The following THADA variants were observed in gnomAD, a reference collection of about 807,000 sequenced individuals.
THADA encodes THADA armadillo repeat containing.
A neutral mutation model predicts 219.8 loss-of-function variants in THADA; 213 were observed. The observed-to-expected ratio is 0.97, with a 90% confidence interval of 0.87 to 1.09. THADA has a LOEUF of 1.09. THADA is among the 50% of genes least tolerant of loss of function. The pLI, the probability that THADA is intolerant of heterozygous loss-of-function variation, is 0.00. For missense variants in THADA, 2,956 were observed against 2,311.3 expected (o/e 1.28, Z -5.72); for synonymous variants, 1,018 against 828.9 (o/e 1.23, Z -3.92).
rs531148155 is a variant in THADA, at chr2:43,521,470, C to G, written c.3374+6409G>C. 8.3e-4 allele frequency among the ~76,000 whole-genome samples: 126 copies of G among 152,260 alleles called. 1 individual carries two copies. The South Asian group carries it at 8.3e-3, about 10-fold the overall frequency. ...ACTCGGGAGGCTGAGGTGGGAGATT[C>G]ACTTGAACCCGGGAGACAGAGGTTG... On this transcript the variant is annotated intron_variant, in intron 22 of 37. Transcript: ENST00000405975.
intron 14 of THADA, among the ~76,000 whole-genome samples, chr2:43,567,788 T>C (rs965995079): frequency 2.0e-5 from 3 of 152,252 alleles, no homozygotes; most frequent in African/African-American, 7.2e-5. Flanking sequence ...CTATCCTACA[T>C]ACATAGTAAT....
rs145837864 is a variant in THADA, at chr2:43,553,669, G to T, written c.2675-1330C>A. 2.2e-3 allele frequency among the ~76,000 whole-genome samples: 331 copies of T among 152,308 alleles called. 1 individual carries two copies. Among genetic ancestry groups the T allele is most frequent in the African/African-American group, 7.5e-3 (312 of 41,572 alleles). On this transcript the variant is annotated intron_variant, in intron 17 of 37. Coordinates refer to ENST00000405975, the MANE Select transcript of THADA (RefSeq NM_022065.5). ...CTGCAGGGTCACATGGTAACTCTAT[G>T]TTTAGCCTTTTGAGGAACTGCCAGA...
At position 43,574,360 on chromosome 2, in the gene THADA, G is replaced by A; in HGVS notation, c.1705C>T (p.Gln569Ter). The change falls in exon 11 of 38, where the codon CAG becomes TAG. Residue 569 changes from glutamine to a stop codon, truncating the protein, a stop_gained. Transcript: ENST00000405975. LOFTEE classifies it high-confidence loss of function. ...CCAGTTTTAGCATCAATAGAAGTCT[G>A]AAGAATCTTTACCATGTACTGTAAG... The part of the protein sequence containing the change: ...ESLQYMVKIL[Q>*]TSIDAKTGQE... 1 of 1,579,574 alleles carries A rather than the reference G, an allele frequency of 6.3e-7. No individual in the cohort carries two copies. The highest frequency in any genetic ancestry group is 2.2e-5 in the East Asian group (1 of 44,656).
At chr2:43,309,383 G>A (rs1677233444) in intron 31 of THADA, among the ~76,000 whole-genome samples, 1 of 151,962 alleles carries the variant, frequency 6.6e-6, no homozygotes, top group Admixed American at 6.6e-5. Context: ...ACACTTCTAT[G>A]TGAATGTTCA....
At chr2:43,437,594 T>A (rs1188650216) in intron 26 of THADA, among the ~76,000 whole-genome samples, 1 of 152,186 alleles carries the variant, frequency 6.6e-6, no homozygotes, top group African/African-American at 2.4e-5. Context: ...TGTGATGTAT[T>A]CATGGGAGAA....
chr2:43,403,719 G>A (rs925460590), intron 28 of THADA, among the ~76,000 whole-genome samples: 2 of 152,134 alleles, frequency 1.3e-5, no homozygotes, highest in Non-Finnish European at 2.9e-5. Flanking sequence ...TGTCAATGAT[G>A]AAAAGGACCA....
Position 43,560,360 on chromosome 2 carries a change from C to G in THADA, c.2337G>C (p.Leu779=). Residue 779 remains leucine (L), a synonymous_variant, in exon 16 of 38, where the codon CTG becomes CTC. Transcript: ENST00000405975. The part of the protein sequence containing the change: ...PEGRIYTVYQ[L]SHDIDVGRFQ... ...AACGACCAACATCAATATCATGACT[C>G]AGCTGATATACTGTATAAATTCTGC... The G allele has an allele frequency of 6.2e-7, 1 of 1,609,784 alleles. No individual in the cohort carries two copies. Among genetic ancestry groups the G allele is most frequent in the East Asian group, 2.2e-5 (1 of 44,716 alleles).
At chr2:43,341,981 C>A (rs983111854) in intron 30 of THADA, among the ~76,000 whole-genome samples, 8 of 152,182 alleles carry the variant, frequency 5.3e-5, no homozygotes, top group African/African-American at 1.7e-4. Context: ...GAGGCCGACG[C>A]AGGTGGATCA....
intron 8 of THADA, among the ~76,000 whole-genome samples, chr2:43,579,903 G>T (rs913083915): frequency 9.2e-5 from 14 of 152,116 alleles, no homozygotes; most frequent in African/African-American, 3.1e-4. Context: ...TGTTATGTGG[G>T]AAAGGAGGTT....
intron 22 of THADA, among the ~76,000 whole-genome samples, chr2:43,514,602 A>ATATATATTT (rs1236324068): frequency 2.0e-5 from 2 of 100,038 alleles, no homozygotes; most frequent in African/African-American, 8.8e-5. Flanking sequence ...TGTATATTTT[A>ATATATATTT]TATATATTTT....
intron 26 of THADA, among the ~76,000 whole-genome samples, chr2:43,471,723 A>G (rs904947416): frequency 2.0e-5 from 3 of 152,208 alleles, no homozygotes; most frequent in East Asian, 1.9e-4. Context: ...GAATAATACT[A>G]TAACATTTGG....
chr2:43,524,809 A>T (rs554518321), intron 22 of THADA, among the ~76,000 whole-genome samples: 1 of 152,294 alleles, frequency 6.6e-6, no homozygotes, highest in African/African-American at 2.4e-5. Flanking sequence ...CTAGATTAGG[A>T]GGGGCTAAGA....
At chr2:43,412,445 C>T (rs957869348) in intron 28 of THADA, among the ~76,000 whole-genome samples, 2 of 152,150 alleles carry the variant, frequency 1.3e-5, no homozygotes, top group African/African-American at 2.4e-5. Flanking sequence ...TGGATCACTT[C>T]TGTTCATTTT....
At chr2:43,353,548 T>G (rs116135595) in intron 29 of THADA, among the ~76,000 whole-genome samples, 2,729 of 152,330 alleles carry the variant, frequency 0.018, 32 homozygotes, top group Middle Eastern at 0.037. Flanking sequence ...TTATATATTT[T>G]CCTGCTGAGT....
intron 26 of THADA, among the ~76,000 whole-genome samples, chr2:43,441,904 A>C (rs1680885551): frequency 6.6e-6 from 1 of 152,196 alleles, no homozygotes. Flanking sequence ...TATTTTTTTA[A>C]AGTACCTACA....
intron 31 of THADA, among the ~76,000 whole-genome samples, chr2:43,317,382 G>A (rs1678205007): frequency 6.6e-6 from 1 of 152,178 alleles, no homozygotes; most frequent in African/African-American, 2.4e-5. Flanking sequence ...TCCATTTAAT[G>A]AGGGCCTACT....
chr2:43,555,494 CT>C (rs1322645139), intron 17 of THADA, among the ~76,000 whole-genome samples: 1 of 151,878 alleles, frequency 6.6e-6, no homozygotes, highest in East Asian at 1.9e-4. Context: ...AATTGAAAGC[CT>C]TTATGTGAAG....
At chr2:43,349,234 C>A (rs1164639357) in intron 29 of THADA, among the ~76,000 whole-genome samples, 1 of 152,104 alleles carries the variant, frequency 6.6e-6, no homozygotes, top group Non-Finnish European at 1.5e-5. Flanking sequence ...CCCTGAGATG[C>A]AAGCCTTAAT....
At chr2:43,423,647 T>C (rs1420379015) in intron 28 of THADA, among the ~76,000 whole-genome samples, 1 of 152,168 alleles carries the variant, frequency 6.6e-6, no homozygotes, top group Non-Finnish European at 1.5e-5. Flanking sequence ...TTAGCCAGGA[T>C]GGTCTCGATC....
Sources: gnomAD v4.1 joint callset for allele counts (sites outside exome capture counted in the v4.1 genomes callset) on GRCh38, gnomAD v4.1.1 for gene constraint, MANE v1.5 for transcripts, NCBI Gene and HGNC (gene_info 2026-07-23, HGNC 2026-07-21) for gene names.